The following PLPP3 variants were observed in gnomAD, a reference collection of about 807,000 sequenced individuals.
PLPP3 encodes PAP2 beta.
A neutral mutation model predicts 29.6 loss-of-function variants in PLPP3; 6 were observed. The ratio of observed to expected loss-of-function variants is 0.20; its 90% CI spans 0.11 to 0.40. The LOEUF is 0.40. PLPP3 is among the 10% of genes least tolerant of loss of function. The pLI, the probability that PLPP3 is intolerant of heterozygous loss-of-function variation, is 1.00. For missense variants in PLPP3, 308 were observed against 407.7 expected (o/e 0.76, Z 2.11); for synonymous variants, 152 against 159.7 (o/e 0.95, Z 0.36).
chr1:56,537,069 A>T lies in PLPP3; in HGVS notation c.183T>A (p.Pro61=), dbSNP rs977069098. ...FLIIETSTIK[P]YHRGFYCNDE... ...CATTGCAGTAAAACCCTCGGTGGTA[A>T]GGCTTGATGGTGCTTGTCTCGATGA... Residue 61 remains proline, a synonymous_variant, in exon 2 of 6, where the codon CCT becomes CCA. Transcript: ENST00000371250. The T allele has an allele frequency of 1.9e-5, 31 of 1,613,510 alleles. No individual in the cohort carries two copies. The highest frequency in any genetic ancestry group is 2.5e-5 in the Non-Finnish European group (29 of 1,179,790).
chr1:56,575,556 C>G (rs747124742), intron 1 of PLPP3, among the ~76,000 whole-genome samples: 1 of 152,128 alleles, frequency 6.6e-6, no homozygotes, highest in Non-Finnish European at 1.5e-5. Context: ...ACTGGGAAAT[C>G]GGGAGAGGCA....
At chr1:56,572,580 A>G (rs890816857) in intron 1 of PLPP3, among the ~76,000 whole-genome samples, 2 of 152,084 alleles carry the variant, frequency 1.3e-5, no homozygotes, top group Non-Finnish European at 2.9e-5. Flanking sequence ...GGGTCAGGAA[A>G]CCTGCCACTG....
At chr1:56,557,012 G>GAAAGAAAGAAAGAA (rs60511169) in intron 1 of PLPP3, among the ~76,000 whole-genome samples, 7 of 9,122 alleles carry the variant, frequency 7.7e-4, no homozygotes, top group African/African-American at 1.9e-3. Flanking sequence ...GAAAGAAAGA[G>GAAAGAAAGAAAGAA]AGAGAGAGAG....
chr1:56,541,559 T>C (rs1395247536), intron 1 of PLPP3, among the ~76,000 whole-genome samples: 1 of 152,046 alleles, frequency 6.6e-6, no homozygotes, highest in Non-Finnish European at 1.5e-5. Flanking sequence ...CAAAGGCTAA[T>C]AGGATAAACA....
At chr1:56,501,007 CAAAAAAAAAAAAAAAA>C (rs71048436) in intron 5 of PLPP3, among the ~76,000 whole-genome samples, 20 of 84,962 alleles carry the variant, frequency 2.4e-4, no homozygotes, top group African/African-American at 8.5e-4. Flanking sequence ...CTGTCTCAGA[CAAAAAAAAAAAAAAAA>C]AAAAAAAAAA....
At position 56,496,582 on chromosome 1, in the gene PLPP3, A is replaced by G. The variant is rs1414687048; in HGVS notation, c.905T>C (p.Ile302Thr). The change falls in exon 6 of 6, where the codon ATT (isoleucine) becomes ACT (threonine). Residue 302 changes from isoleucine to threonine, a missense_variant. Around this residue, in one of 3 missense-constraint regions of PLPP3, gnomAD observed 232 missense variants for 317.2 expected, o/e 0.73. Transcript: ENST00000371250. ...CATGTTGTGGTGATTGTTCCTGTCA[A>G]TAATGTCCACAGGTGAAAGGATTTC... is the stretch of plus-strand genomic sequence containing the variant. ...RKEILSPVDI[I>T]DRNNHHNMM is the part of the protein sequence containing the mutation. 2 of 1,614,110 alleles carry G rather than the reference A, an allele frequency of 1.2e-6. No homozygotes were observed. The highest frequency in any genetic ancestry group is 1.7e-6 in the Non-Finnish European group (2 of 1,179,978).
intron 1 of PLPP3, among the ~76,000 whole-genome samples, chr1:56,542,753 G>A (rs907502721): frequency 5.3e-5 from 8 of 152,098 alleles, no homozygotes; most frequent in Admixed American, 4.6e-4. Flanking sequence ...CATTTGCGGT[G>A]GCTCATTTCT....
chr1:56,509,822 GC>G (rs1485879735), intron 5 of PLPP3, among the ~76,000 whole-genome samples: 1 of 122,052 alleles, frequency 8.2e-6, no homozygotes, highest in African/African-American at 3.1e-5. Context: ...GGGTGAGAGA[GC>G]GAGACTCTCA....
chr1:56,544,791 A>T (rs1645994396), intron 1 of PLPP3, among the ~76,000 whole-genome samples: 1 of 152,194 alleles, frequency 6.6e-6, no homozygotes, highest in Admixed American at 6.5e-5. Context: ...GAAACTCTTG[A>T]AAGTGGACAA....
intron 5 of PLPP3, among the ~76,000 whole-genome samples, chr1:56,505,533 CCCT>C (rs1557497252): frequency 1.3e-5 from 2 of 152,152 alleles, no homozygotes; most frequent in Non-Finnish European, 2.9e-5. Context: ...CAAGACCAAC[CCCT>C]CCTCTTCTTC....
At chr1:56,510,222 G>T (rs866956463) in intron 5 of PLPP3, among the ~76,000 whole-genome samples, 1 of 152,152 alleles carries the variant, frequency 6.6e-6, no homozygotes, top group South Asian at 2.1e-4. Flanking sequence ...GTCAGCAAAG[G>T]GTTACCCTTC....
intron 1 of PLPP3, among the ~76,000 whole-genome samples, chr1:56,577,765 C>A (rs1252479865): frequency 1.3e-5 from 2 of 152,082 alleles, no homozygotes; most frequent in African/African-American, 2.4e-5. Flanking sequence ...GTTCCTAATG[C>A]GGGAAGGGGC....
chr1:56,555,183 C>G (rs996160885), intron 1 of PLPP3, among the ~76,000 whole-genome samples: 3 of 152,040 alleles, frequency 2.0e-5, no homozygotes, highest in African/African-American at 7.2e-5. Context: ...AGGGCTGAAA[C>G]CAATGCTGTT....
chr1:56,503,071 T>A (rs949096969), intron 5 of PLPP3, among the ~76,000 whole-genome samples: 71 of 152,204 alleles, frequency 4.7e-4, no homozygotes, highest in African/African-American at 1.6e-3. Context: ...AGAAAAGCCA[T>A]CTTTGGCAGC....
chr1:56,515,321 C>T (rs1569870961), intron 4 of PLPP3, among the ~76,000 whole-genome samples: 1 of 152,092 alleles, frequency 6.6e-6, no homozygotes, highest in East Asian at 1.9e-4. Flanking sequence ...TGTAGGTCCT[C>T]GGAAAATGCT....
intron 1 of PLPP3, among the ~76,000 whole-genome samples, chr1:56,556,619 T>C (rs924567456): frequency 4.9e-4 from 74 of 151,986 alleles, no homozygotes; most frequent in African/African-American, 1.8e-3. Context: ...GTTATGCTAG[T>C]GTCAAAAATG....
chr1:56,554,105 A>G (rs141887608), intron 1 of PLPP3, among the ~76,000 whole-genome samples: 1 of 152,020 alleles, frequency 6.6e-6, no homozygotes, highest in Non-Finnish European at 1.5e-5. Context: ...GTGATTGAGA[A>G]TATGGATAGC....
chr1:56,523,944 C>G, intron 3 of PLPP3, 64 bp from the exon 4 acceptor site: 1 of 1,548,124 alleles, frequency 6.5e-7, no homozygotes, highest in Non-Finnish European at 8.9e-7. Flanking sequence ...ACTTGTCTGT[C>G]TGTCTTCCCT....
chr1:56,571,972 ACCTT>A (rs1412793922), intron 1 of PLPP3, among the ~76,000 whole-genome samples: 1 of 148,740 alleles, frequency 6.7e-6, no homozygotes, highest in Non-Finnish European at 1.5e-5. Flanking sequence ...CTAGCTCAGT[ACCTT>A]CCTTCCTCAG....
Sources: allele counts gnomAD v4.1 joint callset (sites outside exome capture counted in the v4.1 genomes callset), GRCh38; gene constraint gnomAD v4.1.1; regional missense constraint gnomAD v4.1.1; transcripts MANE v1.5; gene names NCBI Gene and HGNC (gene_info 2026-07-23, HGNC 2026-07-21).